Variants in GPR132 observed in about 807,000 individuals in gnomAD.
GPR132 encodes the protein probable G protein-coupled receptor 132.
GPR132 carries 4 observed loss-of-function variants against 1.9 expected under a neutral mutation model. That is an observed-to-expected ratio of 2.13 (90% CI 1.05 to 4.87). The LOEUF is 4.87. Ranked by LOEUF, GPR132 falls within the 30% of genes most tolerant of loss-of-function variation. GPR132 has a pLI of 0.01. For missense variants in GPR132, 404 were observed against 512.5 expected (o/e 0.79, Z 2.04); for synonymous variants, 233 against 234.2 (o/e 0.99, Z 0.05).
chr14:105,052,519 G>T (rs997250908), intron 3 of GPR132, among the ~76,000 whole-genome samples: 12 of 151,924 alleles, frequency 7.9e-5, no homozygotes, highest in Middle Eastern at 3.4e-3. Context: ...TAGAGACGGG[G>T]TTTCACCATG....
chr14:105,062,082 G>A (rs1037597415), intron 1 of GPR132, among the ~76,000 whole-genome samples: 19 of 152,328 alleles, frequency 1.2e-4, no homozygotes, highest in African/African-American at 2.6e-4. Flanking sequence ...CTGGATTCAG[G>A]GCAGCGTGGC....
rs1021190396 is a variant in GPR132 at position 105,056,730 on chromosome 14, G to T, written c.-747+437C>A. 6.6e-6 allele frequency among the ~76,000 whole-genome samples: 1 copy of T among 152,222 alleles called. No individual in the cohort carries two copies. Among genetic ancestry groups the T allele is most frequent in the African/African-American group, 2.4e-5 (1 of 41,454 alleles). On this transcript the variant is annotated intron_variant, in intron 2 of 3. Transcript: ENST00000329797. The surrounding 1 kb of genome is among the most constrained non-coding windows in gnomAD (Gnocchi z 6.0). ...TCTGTGCCCATCTGGTGAGGAGGCT[G>T]TCCCCCGCTCCCCCGCCTCCTGCCA...
Position 105,056,241 on chromosome 14 carries a change from C to T in GPR132, c.-746-75G>A. 1 of 910,776 alleles carries T rather than the reference C, an allele frequency of 1.1e-6. No homozygotes were observed. The highest frequency in any genetic ancestry group is 1.3e-6 in the Non-Finnish European group (1 of 761,734). The allele number at this position is 910,776 out of a possible 1,614,324, so 56.4% of individuals were successfully genotyped here. ...GTCACCACTTCGCCCAAGACACAGGCCTGTGGCGGGCGGCGGGGGGCAGTG... is the reference window on the plus strand; with the variant it reads ...GTCACCACTTCGCCCAAGACACAGGTCTGTGGCGGGCGGCGGGGGGCAGTG... On this transcript the variant is annotated intron_variant, in intron 2 of 3. Transcript: ENST00000329797. This position sits in a 1 kb window ranked among gnomAD's most constrained non-coding sequence, Gnocchi z 6.0.
chr14:105,051,201 C>G lies in GPR132; in HGVS notation c.936G>C (p.Thr312=), dbSNP rs901453790. ...TGGACACTTCTTGGCGGGAATGGTC[C>G]GTGGCCAGCACGTAGATAATGGGGT... is the stretch of plus-strand genomic sequence containing the variant. ...VADPIIYVLA[T]DHSRQEVSRI... The change falls in exon 4 of 4, where the codon ACG becomes ACC. Residue 312 remains threonine, a synonymous_variant. Transcript: ENST00000329797. This position sits in a 1 kb window ranked among gnomAD's most constrained non-coding sequence, Gnocchi z 8.0. 6.2e-7 allele frequency: 1 copy of G among 1,614,066 alleles called. No homozygotes were observed. The highest frequency in any genetic ancestry group is 8.5e-7 in the Non-Finnish European group (1 of 1,179,948).
At position 105,060,593 on chromosome 14, in the gene GPR132, C is replaced by T. The variant is rs1317303942; in HGVS notation, c.-860-3313G>A. Among the ~76,000 whole-genome samples, 2 of 152,250 alleles carry T rather than the reference C, an allele frequency of 1.3e-5. No homozygotes were observed. The highest frequency in any genetic ancestry group is 2.9e-5 in the Non-Finnish European group (2 of 68,044). ...GAATAACACGAGGCAGGGACCTCTCCTGTCAAATGAGCAGGAGTGAGCACA... is the reference window on the plus strand; with the variant it reads ...GAATAACACGAGGCAGGGACCTCTCTTGTCAAATGAGCAGGAGTGAGCACA... On this transcript the variant is annotated intron_variant, in intron 1 of 3. Transcript: ENST00000329797. This position sits in a 1 kb window ranked among gnomAD's most constrained non-coding sequence, Gnocchi z 6.3.
In GPR132 at chr14:105,051,667, C is replaced by G. The variant is rs762905666; in HGVS notation, c.470G>C (p.Arg157Thr). The G allele has an allele frequency of 1.2e-6, 2 of 1,613,768 alleles. No homozygotes were observed. Among genetic ancestry groups the G allele is most frequent in the South Asian group, 1.1e-5 (1 of 91,088 alleles). Reference sequence around the variant, plus strand: ...GCAGGCGGAGATGAGGATGGCGGTCCTCCGGCGGCGGCGGCCCCGACTCTC... The same window carrying G: ...GCAGGCGGAGATGAGGATGGCGGTCGTCCGGCGGCGGCGGCCCCGACTCTC... Reference protein sequence around the residue: ...ALESRGRRRRRTAILISACIF... With the variant: ...ALESRGRRRRTTAILISACIF... The change falls in exon 4 of 4, where the codon AGG becomes ACG. Residue 157 changes from arginine to threonine, a missense_variant. Arg to Thr is a moderately conservative substitution (Grantham distance 71, BLOSUM62 -1). Transcript: ENST00000329797. The surrounding 1 kb of genome is among the most constrained non-coding windows in gnomAD (Gnocchi z 8.0).
At position 105,056,000 on chromosome 14, in the gene GPR132, C is replaced by CA. The variant is rs1346260903; in HGVS notation, c.-581dup. On this transcript the variant is annotated 5_prime_UTR_variant, in exon 3 of 4. It introduces an in-frame stop codon into an upstream open reading frame of the 5' UTR. Transcript: ENST00000329797. This position sits in a 1 kb window ranked among gnomAD's most constrained non-coding sequence, Gnocchi z 4.7. ...ACCCACAGTTGGCATTGCTGGATCT[C>CA]ACGGCAGTTCCGTCTCATCTCGTGG... 3.0e-5 allele frequency: 8 copies of CA among 265,128 alleles called. No homozygotes were observed. Among genetic ancestry groups the CA allele is most frequent in the Non-Finnish European group, 4.7e-5 (8 of 171,140 alleles). 16.4% of individuals were successfully genotyped at this position (265,128 alleles called of 1,614,324 possible).
intron 1 of GPR132, among the ~76,000 whole-genome samples, chr14:105,064,798 C>T (rs1017207460): frequency 1.3e-5 from 2 of 152,080 alleles, no homozygotes; most frequent in Admixed American, 6.5e-5. Flanking sequence ...AGGTATTGGG[C>T]CCCCCGCCCC....
intron 3 of GPR132, among the ~76,000 whole-genome samples, chr14:105,052,527 A>C (rs1299905630): frequency 6.6e-6 from 1 of 151,810 alleles, no homozygotes; most frequent in Non-Finnish European, 1.5e-5. Context: ...GGGTTTCACC[A>C]TGTTGGCCAG....
chr14:105,054,510 A>C (rs1171936379), intron 3 of GPR132: 41 of 616,018 alleles, frequency 6.7e-5, no homozygotes, highest in Non-Finnish European at 7.1e-5. Flanking sequence ...CTGCTACTGC[A>C]ACCTCTGCCT....
intron 1 of GPR132, among the ~76,000 whole-genome samples, chr14:105,064,011 G>T (rs1008279927): frequency 6.6e-6 from 1 of 151,450 alleles, no homozygotes; most frequent in Non-Finnish European, 1.5e-5. Context: ...GGCTAATTTT[G>T]TATTTTTAGT....
chr14:105,050,640 G>A lies in GPR132; in HGVS notation c.*354C>T, dbSNP rs909155556. The A allele has an allele frequency of 1.6e-5, 5 of 311,188 alleles. No homozygotes were observed. The highest frequency in any genetic ancestry group is 4.2e-5 in the African/African-American group (2 of 47,186). 19.3% of individuals were successfully genotyped at this position (311,188 alleles called of 1,614,324 possible). On this transcript the variant is annotated 3_prime_UTR_variant, in exon 4 of 4. Coordinates refer to ENST00000329797, the MANE Select transcript of GPR132 (RefSeq NM_013345.4). This position sits in a 1 kb window ranked among gnomAD's most constrained non-coding sequence, Gnocchi z 4.0. ...GAAATGCTCCGCAAATAAAGTCATC[G>A]CCACTGATGCGAACAGGGCAGCCAC... is the stretch of plus-strand genomic sequence containing the variant.
In GPR132 at chr14:105,051,063, G is replaced by T; in HGVS notation, c.1074C>A (p.Thr358=). The T allele has an allele frequency of 6.2e-7, 1 of 1,614,190 alleles. No homozygotes were observed. Among genetic ancestry groups the T allele is most frequent in the Non-Finnish European group, 8.5e-7 (1 of 1,180,006 alleles). ...CTGGTGGGTGCACGGGCCTGGAGAAGGTGTAGTGGTCTGCAAGGGCCACGG... is the reference window on the plus strand; with the variant it reads ...CTGGTGGGTGCACGGGCCTGGAGAATGTGTAGTGGTCTGCAAGGGCCACGG... The part of the protein sequence containing the change: ...QSPVALADHY[T]FSRPVHPPGS... Residue 358 remains threonine, a synonymous_variant, in exon 4 of 4, where the codon ACC becomes ACA. Transcript: ENST00000329797. The surrounding 1 kb of genome is among the most constrained non-coding windows in gnomAD (Gnocchi z 8.0).
At chr14:105,063,612 G>A (rs1887007293) in intron 1 of GPR132, among the ~76,000 whole-genome samples, 1 of 150,612 alleles carries the variant, frequency 6.6e-6, no homozygotes, top group Non-Finnish European at 1.5e-5. Context: ...CCTGACCTCA[G>A]GTGATCCGCC....
rs1419345684 is a variant in GPR132, at chr14:105,060,781, C to T, written c.-860-3501G>A. 6.6e-6 allele frequency among the ~76,000 whole-genome samples: 1 copy of T among 152,246 alleles called. No homozygotes were observed. ...CTTGCTGGTCCAGGGCTGTGCCGCC[C>T]AGTCACGCCAATGCCAGCCGGCAAC... On this transcript the variant is annotated intron_variant, in intron 1 of 3. Coordinates refer to ENST00000329797, the MANE Select transcript of GPR132 (RefSeq NM_013345.4). This position sits in a 1 kb window ranked among gnomAD's most constrained non-coding sequence, Gnocchi z 6.3.
intron 3 of GPR132, 80 bp from the exon 4 acceptor site, chr14:105,052,182 G>A: frequency 8.1e-7 from 1 of 1,230,504 alleles, no homozygotes; most frequent in Non-Finnish European, 1.1e-6. Context: ...AGAAAGGATA[G>A]AAGCTTTGTG....
At position 105,052,038 on chromosome 14, in the gene GPR132, G is replaced by A. The variant is rs368034124; in HGVS notation, c.99C>T (p.Cys33=). Residue 33 remains cysteine, a synonymous_variant, in exon 4 of 4, where the codon TGC becomes TGT. Transcript: ENST00000329797. ...TGCTCTCTTCGAAGGACACGTTGTT[G>A]CAGGTCTTGGCGGAGAGGCCCAGGG... ...WASLGLSAKT[C]NNVSFEESRI... 28 of 1,606,522 alleles carry A rather than the reference G, an allele frequency of 1.7e-5. No homozygotes were observed. The highest frequency in any genetic ancestry group is 2.1e-5 in the Non-Finnish European group (25 of 1,178,792).
At position 105,055,543 on chromosome 14, in the gene GPR132, A is replaced by T; in HGVS notation, c.-123T>A. ...CTCCCAGCCCCCAGGCCTCCATTCC[A>T]CTTTGTCTCTGTGCGCTGGGCTCCC... On this transcript the variant is annotated 5_prime_UTR_variant, in exon 3 of 4. Transcript: ENST00000329797. The surrounding 1 kb of genome is among the most constrained non-coding windows in gnomAD (Gnocchi z 4.7). The T allele has an allele frequency of 1.4e-6, 1 of 733,212 alleles. No individual in the cohort carries two copies. Among genetic ancestry groups the T allele is most frequent in the Non-Finnish European group, 2.6e-6 (1 of 390,200 alleles). 45.4% of individuals were successfully genotyped at this position (733,212 alleles called of 1,614,324 possible). A position where few individuals can be genotyped will look rare whatever the true frequency, so the allele number is the denominator to read the frequency against.
rs1886816413 is a variant in GPR132 at position 105,057,160 on chromosome 14, CT to C, written c.-747+6del. ...TACATGTTCAAAGTCGGAGAAGGCTCTCTCACCTGGCATATTTTGCGGGTTC... is the reference window on the plus strand; with the variant it reads ...TACATGTTCAAAGTCGGAGAAGGCTCCTCACCTGGCATATTTTGCGGGTTC... On this transcript the variant is annotated splice_donor_region_variant and intron_variant, in intron 2 of 3. Coordinates refer to ENST00000329797, the MANE Select transcript of GPR132 (RefSeq NM_013345.4). 1.4e-5 allele frequency: 22 copies of C among 1,533,036 alleles called. No homozygotes were observed. Among genetic ancestry groups the C allele is most frequent in the Non-Finnish European group, 1.9e-5 (22 of 1,144,140 alleles). 95.0% of individuals were successfully genotyped at this position (1,533,036 alleles called of 1,614,324 possible).
Sources: gnomAD v4.1 joint callset for allele counts (sites outside exome capture counted in the v4.1 genomes callset) on GRCh38, gnomAD v4.1.1 for gene constraint, Gnocchi (gnomAD v3.1) non-coding constraint, MANE v1.5 for transcripts, NCBI Gene and HGNC (gene_info 2026-07-23, HGNC 2026-07-21) for gene names.